Variants in MERTK observed in about 807,000 individuals in gnomAD.
MERTK encodes the protein MER proto-oncogene, tyrosine kinase.
In MERTK, 69 loss-of-function variants were observed where a neutral mutation model predicts 99.3. The observed-to-expected ratio is 0.70, with a 90% CI of 0.57 to 0.85. The LOEUF is 0.85. Ranked by LOEUF, MERTK falls within the 40% of genes least tolerant of loss-of-function variation. The pLI is 0.00. For missense variants in MERTK, 1,125 were observed against 1,249.4 expected (o/e 0.90, Z 1.50); for synonymous variants, 426 against 467.6 (o/e 0.91, Z 1.15).
chr2:112,003,056 A>T (rs747966758), intron 11 of MERTK, 36 bp from the exon 12 acceptor site: 1 of 937,666 alleles, frequency 1.1e-6, no homozygotes, highest in East Asian at 2.4e-5. Flanking sequence ...AAACACGCTG[A>T]CAATTTTTGT....
intron 1 of MERTK, among the ~76,000 whole-genome samples, chr2:111,925,843 T>C (rs1301112121): frequency 6.6e-6 from 1 of 151,864 alleles, no homozygotes; most frequent in Middle Eastern, 3.2e-3. Context: ...TAATTTTTTT[T>C]TTTTTCTGAG....
intron 1 of MERTK, among the ~76,000 whole-genome samples, chr2:111,910,654 G>A (rs1257791367): frequency 6.6e-6 from 1 of 150,696 alleles, no homozygotes; most frequent in African/African-American, 2.4e-5. Flanking sequence ...TAAATATTTA[G>A]CCATAAAGTA....
intron 1 of MERTK, among the ~76,000 whole-genome samples, chr2:111,902,560 C>A (rs940197466): frequency 6.6e-6 from 1 of 152,166 alleles, no homozygotes; most frequent in Non-Finnish European, 1.5e-5. Flanking sequence ...AGGGCCTGAG[C>A]AGCCTTTGCA....
intron 1 of MERTK, among the ~76,000 whole-genome samples, chr2:111,899,531 A>G (rs1486859776): frequency 6.7e-6 from 1 of 149,092 alleles, no homozygotes; most frequent in African/African-American, 2.5e-5. Context: ...TTTTTTTTTT[A>G]ATTTGAGACC....
rs55986780 is a variant in MERTK at position 111,935,638 on chromosome 2, C to CGTGTGT, written c.482+6141_482+6146dup. 5.8e-3 allele frequency among the ~76,000 whole-genome samples: 814 copies of CGTGTGT among 139,902 alleles called. 5 individuals carry two copies. Among genetic ancestry groups the CGTGTGT allele is most frequent in the Non-Finnish European group, 8.6e-3 (559 of 65,124 alleles). 91.8% of individuals were successfully genotyped at this position (139,902 alleles called of 152,430 possible). On this transcript the variant is annotated intron_variant, in intron 2 of 18. Coordinates refer to ENST00000295408, the MANE Select transcript of MERTK (RefSeq NM_006343.3). ...ATTTTTAAACTACTTGGTCTTGGCTCGTGTGTGTGTGTGTGTGTGTGTGTG... is the reference window on the plus strand; with the variant it reads ...ATTTTTAAACTACTTGGTCTTGGCTCGTGTGTGTGTGTGTGTGTGTGTGTGTGTGTG...
chr2:112,001,405 T>C (rs1354324121), intron 11 of MERTK, 119 bp downstream of exon 11: 4 of 830,582 alleles, frequency 4.8e-6, no homozygotes, highest in Non-Finnish European at 8.1e-6. Flanking sequence ...ATATTTTTAA[T>C]GTACAAAATG....
At chr2:111,980,554 G>A (rs551829533) in intron 7 of MERTK, among the ~76,000 whole-genome samples, 6 of 151,914 alleles carry the variant, frequency 3.9e-5, no homozygotes, top group Non-Finnish European at 8.8e-5. Context: ...GAGTAGCTGG[G>A]ACTACAGGCG....
intron 7 of MERTK, among the ~76,000 whole-genome samples, chr2:111,978,652 C>G (rs1442976965): frequency 6.6e-6 from 1 of 152,180 alleles, no homozygotes; most frequent in Non-Finnish European, 1.5e-5. Context: ...TGTTTGCTAT[C>G]CTAACATCTA....
intron 14 of MERTK, among the ~76,000 whole-genome samples, chr2:112,009,481 G>A (rs1406184725): frequency 2.6e-5 from 4 of 152,218 alleles, no homozygotes; most frequent in Non-Finnish European, 5.9e-5. Flanking sequence ...AGCATTTGCA[G>A]TGGACTTCTT....
At chr2:111,929,609 CAG>C in intron 2 of MERTK, 69 bp downstream of exon 2, 2 of 665,462 alleles carry the variant, frequency 3.0e-6, no homozygotes, top group South Asian at 5.4e-5. Context: ...CTTATTGAGA[CAG>C]AGTATCATTC....
chr2:112,013,972 A>G lies in MERTK; in HGVS notation c.2079+3906A>G, dbSNP rs563704959. Among the ~76,000 whole-genome samples the G allele has an allele frequency of 2.4e-3, 371 of 151,558 alleles. 2 individuals carry two copies. Among genetic ancestry groups the G allele is most frequent in the African/African-American group, 8.4e-3 (345 of 41,272 alleles). The stretch of plus-strand genomic sequence containing the variant: ...CGGGTTCAAGTGATTCTCCTGCCTC[A>G]GCTTCCTGAGTAGCTGGGATTACAG... On this transcript the variant is annotated intron_variant, in intron 15 of 18. Coordinates refer to ENST00000295408, the MANE Select transcript of MERTK (RefSeq NM_006343.3).
intron 2 of MERTK, among the ~76,000 whole-genome samples, chr2:111,930,821 C>A (rs192368298): frequency 7.9e-5 from 12 of 152,222 alleles, no homozygotes; most frequent in African/African-American, 2.9e-4. Context: ...TCTCTTCTTG[C>A]CACCCCTTTT....
chr2:111,900,074 A>G (rs1291519509), intron 1 of MERTK, among the ~76,000 whole-genome samples: 2 of 152,114 alleles, frequency 1.3e-5, no homozygotes, highest in African/African-American at 4.8e-5. Context: ...CAGCATGTAG[A>G]TTTTCTCTCT....
Position 111,940,956 on chromosome 2 carries a change from G to C in MERTK, c.483-4004G>C, listed in dbSNP as rs933456462. 1.2e-5 allele frequency: 8 copies of C among 646,904 alleles called. No homozygotes were observed. The African/African-American group carries it at 1.4e-4, about 12-fold the overall frequency. The allele number at this position is 646,904 out of a possible 1,614,324, so 40.1% of individuals were successfully genotyped here. A position where few individuals can be genotyped will look rare whatever the true frequency, so the allele number is the denominator to read the frequency against. On this transcript the variant is annotated intron_variant, in intron 2 of 18. Coordinates refer to ENST00000295408, the MANE Select transcript of MERTK (RefSeq NM_006343.3). ...TCTGGTCTTCAAGCCAAACAGTGAA[G>C]TTTCTAAATTCTGTTTCATCTTTGC... is the stretch of plus-strand genomic sequence containing the variant.
intron 10 of MERTK, among the ~76,000 whole-genome samples, chr2:111,997,790 A>G (rs1251557259): frequency 6.6e-6 from 1 of 152,168 alleles, no homozygotes; most frequent in Non-Finnish European, 1.5e-5. Context: ...GGTGGCTCAC[A>G]CCTGTAATCC....
At chr2:111,927,641 C>A (rs147990659) in intron 1 of MERTK, among the ~76,000 whole-genome samples, 7 of 152,252 alleles carry the variant, frequency 4.6e-5, no homozygotes, top group Admixed American at 1.3e-4. Flanking sequence ...TGCTCTCCAG[C>A]CTGGGTGACA....
rs749667288 is a variant in MERTK, at chr2:112,026,360, TAAATG to T, written c.2487-1987_2487-1983del. Among the ~76,000 whole-genome samples the T allele has an allele frequency of 2.9e-4, 44 of 152,158 alleles. 1 individual carries two copies. Among genetic ancestry groups the T allele is most frequent in the Middle Eastern group, 3.2e-3 (1 of 316 alleles). On this transcript the variant is annotated intron_variant, in intron 18 of 18. Transcript: ENST00000295408. ...AAATACTTTCTCCTAAGACATGAAA[TAAATG>T]AAAGTAAGTTAAATACCACAGCCTC...
chr2:112,016,150 G>T (rs1677210846), intron 15 of MERTK, among the ~76,000 whole-genome samples: 1 of 152,022 alleles, frequency 6.6e-6, no homozygotes, highest in Non-Finnish European at 1.5e-5. Flanking sequence ...TGGTTTCATT[G>T]CCCTTCCACT....
At chr2:111,964,521 G>A (rs1484208173) in intron 4 of MERTK, among the ~76,000 whole-genome samples, 1 of 152,094 alleles carries the variant, frequency 6.6e-6, no homozygotes, top group Admixed American at 6.5e-5. Context: ...AGGAGCCCTG[G>A]TTCCATTTAT....
Sources: allele counts gnomAD v4.1 joint callset (sites outside exome capture counted in the v4.1 genomes callset), GRCh38; gene constraint gnomAD v4.1.1; transcripts MANE v1.5; gene names NCBI Gene and HGNC (gene_info 2026-07-23, HGNC 2026-07-21).